The following ARL15 variants were observed in gnomAD, a reference collection of about 807,000 sequenced individuals.
ARL15 encodes ADP-ribosylation factor-like protein 15.
Under a neutral mutation model 25.2 loss-of-function variants are expected in ARL15, and 19 were observed. The observed-to-expected ratio is 0.75, with a 90% confidence interval of 0.53 to 1.10. The LOEUF (loss-of-function observed/expected upper bound fraction) is 1.10. Ranked by LOEUF, ARL15 falls within the 50% of genes least tolerant of loss-of-function variation. The pLI, the probability that ARL15 is intolerant of heterozygous loss-of-function variation, is 0.00. For synonymous variants in ARL15, 94 were observed against 86.8 expected (o/e 1.08, Z -0.46); for missense variants, 220 against 246.0 (o/e 0.89, Z 0.71).
intron 4 of ARL15, among the ~76,000 whole-genome samples, chr5:53,933,518 A>G (rs377212872): frequency 6.6e-6 from 1 of 151,714 alleles, no homozygotes; most frequent in African/African-American, 2.4e-5. Context: ...GGTGGTGGGC[A>G]CCTGTAGTCC....
intron 1 of ARL15, among the ~76,000 whole-genome samples, chr5:54,301,862 G>A (rs1227028672): frequency 6.6e-6 from 1 of 152,218 alleles, no homozygotes; most frequent in African/African-American, 2.4e-5. Flanking sequence ...GAAAGCAGCA[G>A]TCCAGAGGTT....
At chr5:54,186,798 G>T (rs2112446243) in intron 1 of ARL15, among the ~76,000 whole-genome samples, 1 of 151,316 alleles carries the variant, frequency 6.6e-6, no homozygotes, top group East Asian at 1.9e-4. Flanking sequence ...GATTCATGAA[G>T]ATATTAGAGA....
chr5:54,016,550 G>A (rs1171675951), intron 4 of ARL15, among the ~76,000 whole-genome samples: 1 of 152,114 alleles, frequency 6.6e-6, no homozygotes, highest in Non-Finnish European at 1.5e-5. Flanking sequence ...AAGTTATGTA[G>A]CCTTTCTGCT....
chr5:54,301,560 T>C (rs917122748), intron 1 of ARL15, among the ~76,000 whole-genome samples: 3 of 152,246 alleles, frequency 2.0e-5, no homozygotes, highest in Non-Finnish European at 4.4e-5. Context: ...AAGTCTGTTA[T>C]ATTATTTTCT....
intron 1 of ARL15, among the ~76,000 whole-genome samples, chr5:54,179,770 C>T (rs527686948): frequency 1.3e-4 from 20 of 152,142 alleles, no homozygotes; most frequent in African/African-American, 4.6e-4. Context: ...GTAATCCCTG[C>T]ACTTTGGGAG....
intron 1 of ARL15, among the ~76,000 whole-genome samples, chr5:54,236,407 GAC>G (rs72439978): frequency 0.066 from 9,311 of 140,474 alleles, 341 homozygotes; most frequent in African/African-American, 0.1. Context: ...ACTAAACACA[GAC>G]ACACACACAC....
intron 3 of ARL15, among the ~76,000 whole-genome samples, chr5:54,125,606 A>G (rs940042079): frequency 6.6e-5 from 10 of 152,168 alleles, no homozygotes; most frequent in Non-Finnish European, 1.2e-4. Flanking sequence ...TCTTTTGGTT[A>G]TTGCGAATAG....
At chr5:54,090,670 G>A (rs1752102081) in intron 4 of ARL15, among the ~76,000 whole-genome samples, 1 of 151,968 alleles carries the variant, frequency 6.6e-6, no homozygotes. Flanking sequence ...AGGAAGAAAG[G>A]AAAGAAAGGG....
intron 4 of ARL15, among the ~76,000 whole-genome samples, chr5:53,913,638 A>G (rs1161814202): frequency 6.6e-6 from 1 of 152,334 alleles, no homozygotes; most frequent in East Asian, 1.9e-4. Context: ...TAATACCTAT[A>G]TCACAAGGTT....
In ARL15 at chr5:54,140,784, A is replaced by G. The variant is rs115435613; in HGVS notation, c.253+13796T>C. Among the ~76,000 whole-genome samples the G allele has an allele frequency of 2.4e-3, 363 of 152,336 alleles. 4 individuals are homozygous for G. Among genetic ancestry groups the G allele is most frequent in the African/African-American group, 8.3e-3 (347 of 41,590 alleles). ...GTCTGGATATGGTAAGACTTATAGA[A>G]GATCAGCTGAAGATGATTTGAAACT... is the stretch of plus-strand genomic sequence containing the variant. On this transcript the variant is annotated intron_variant, in intron 3 of 4. Coordinates refer to ENST00000504924, the MANE Select transcript of ARL15 (RefSeq NM_019087.3).
intron 2 of ARL15, among the ~76,000 whole-genome samples, chr5:54,167,864 TTCCACCTCAATAC>T (rs1258893368): frequency 7.2e-5 from 11 of 152,284 alleles, no homozygotes; most frequent in African/African-American, 2.6e-4. Flanking sequence ...TCAGGTTGGT[TTCCACCTCAATAC>T]TCTACTGAAA....
intron 4 of ARL15, among the ~76,000 whole-genome samples, chr5:54,029,004 G>C (rs1749876964): frequency 6.6e-6 from 1 of 151,930 alleles, no homozygotes; most frequent in South Asian, 2.1e-4. Flanking sequence ...ACCCAAGCCT[G>C]GGCAACAGAG....
chr5:53,951,847 ATTTTT>A (rs59369848), intron 4 of ARL15, among the ~76,000 whole-genome samples: 1 of 98,218 alleles, frequency 1.0e-5, no homozygotes, highest in African/African-American at 3.9e-5. Flanking sequence ...ACATAAAAGA[ATTTTT>A]TTTTTTTTTT....
At chr5:53,896,786 C>T (rs1475222300) in intron 4 of ARL15, among the ~76,000 whole-genome samples, 5 of 152,174 alleles carry the variant, frequency 3.3e-5, no homozygotes, top group South Asian at 2.1e-4. Context: ...TGTGAGCCAC[C>T]GCGCCCAGCC....
intron 4 of ARL15, among the ~76,000 whole-genome samples, chr5:53,997,960 T>C (rs1428975886): frequency 1.3e-5 from 2 of 151,908 alleles, no homozygotes; most frequent in Non-Finnish European, 2.9e-5. Flanking sequence ...TCATAATCCC[T>C]CACCTTAAAC....
chr5:54,102,663 T>C (rs1752474816), intron 4 of ARL15, among the ~76,000 whole-genome samples: 1 of 152,130 alleles, frequency 6.6e-6, no homozygotes, highest in African/African-American at 2.4e-5. Context: ...AACCAGCTGT[T>C]CTCTAAGGAT....
At chr5:54,139,688 T>C (rs576409665) in intron 3 of ARL15, among the ~76,000 whole-genome samples, 1 of 152,182 alleles carries the variant, frequency 6.6e-6, no homozygotes, top group East Asian at 1.9e-4. Flanking sequence ...AAAAATTAGC[T>C]GAGCATGGTG....
chr5:53,907,484 ATATATTTTTT>A (rs1345583444), intron 4 of ARL15, among the ~76,000 whole-genome samples: 153 of 26,222 alleles, frequency 5.8e-3, no homozygotes, highest in Non-Finnish European at 8.2e-3. Context: ...ATATATATAT[ATATATTTTTT>A]TTTTTTTTTT....
At chr5:54,220,304 A>C (rs895407142) in intron 1 of ARL15, among the ~76,000 whole-genome samples, 9 of 151,720 alleles carry the variant, frequency 5.9e-5, no homozygotes, top group African/African-American at 2.2e-4. Flanking sequence ...ATTTATCTCC[A>C]CTCCCCTCCC....
Sources: gnomAD v4.1 joint callset for allele counts (sites outside exome capture counted in the v4.1 genomes callset) on GRCh38, gnomAD v4.1.1 for gene constraint, MANE v1.5 for transcripts, NCBI Gene and HGNC (gene_info 2026-07-23, HGNC 2026-07-21) for gene names.